Variants in MAX observed in about 807,000 individuals in gnomAD.
The protein encoded by MAX is MYC associated transcriptional regulator X, also known as protein max.
Under a neutral mutation model 22.3 loss-of-function variants are expected in MAX, and 3 were observed. The observed-to-expected ratio is 0.13, with a 90% confidence interval of 0.06 to 0.35. The LOEUF is 0.35. Ranked by LOEUF, MAX falls within the 10% of genes least tolerant of loss-of-function variation. The pLI is 1.00. For missense variants in MAX, 119 were observed against 209.4 expected (o/e 0.57, Z 2.66); for synonymous variants, 72 against 77.7 (o/e 0.93, Z 0.39).
intron 3 of MAX, among the ~76,000 whole-genome samples, chr14:65,042,441 C>T (rs965274413): frequency 3.3e-5 from 5 of 152,154 alleles, no homozygotes; most frequent in Admixed American, 2.0e-4. Context: ...CTGGCATACA[C>T]GGTTCACAGT....
chr14:65,077,426 C>T lies in MAX; in HGVS notation c.295+487G>A, dbSNP rs759558762. The T allele has an allele frequency of 3.7e-6, 6 of 1,607,600 alleles. No individual in the cohort carries two copies. In the South Asian group the frequency reaches 6.6e-5, roughly 18 times the overall value. Reference sequence around the variant, plus strand: ...AAAGAACTTGATCAGCTCTCGCTTTCCCCTGTGGTTGTAGGAAAAGGCGGG... The same window carrying T: ...AAAGAACTTGATCAGCTCTCGCTTTTCCCTGTGGTTGTAGGAAAAGGCGGG... On this transcript the variant is annotated intron_variant, in intron 4 of 4. Coordinates refer to ENST00000358664, the MANE Select transcript of MAX (RefSeq NM_002382.5). The surrounding 1 kb of genome is among the most constrained non-coding windows in gnomAD (Gnocchi z 6.3).
At chr14:65,045,037 T>C (rs947590888) in intron 3 of MAX, among the ~76,000 whole-genome samples, 2 of 152,194 alleles carry the variant, frequency 1.3e-5, no homozygotes, top group African/African-American at 4.8e-5. Flanking sequence ...ACCTGCACCA[T>C]TGGAGTAGAG....
chr14:65,040,868 C>T lies in MAX; in HGVS notation c.172-34584G>A, dbSNP rs145895625. 1.2e-4 allele frequency: 187 copies of T among 1,613,970 alleles called. No homozygotes were observed. In the African/African-American group the frequency reaches 1.8e-3, roughly 16 times the overall value. On this transcript the variant is annotated intron_variant, in intron 3 of 3. Transcript: ENST00000341653. ...GTGGCTATACCTTCTGTGGCCTGGC[C>T]GCGCTGGTAATCCTCAAGAGGGAAC...
chr14:65,064,000 C>CT (rs1417730116), intron 3 of MAX, among the ~76,000 whole-genome samples: 7 of 152,180 alleles, frequency 4.6e-5, no homozygotes, highest in African/African-American at 1.7e-4. Flanking sequence ...CAGTTTCACC[C>CT]TTAGGCCCAC....
At position 65,076,945 on chromosome 14, in the gene MAX, G is replaced by C. The variant is rs1297303407; in HGVS notation, c.296-282C>G. 1 of 570,716 alleles carries C rather than the reference G, an allele frequency of 1.8e-6. No individual in the cohort carries two copies. Among genetic ancestry groups the C allele is most frequent in the Non-Finnish European group, 3.1e-6 (1 of 319,278 alleles). 35.4% of individuals were successfully genotyped at this position (570,716 alleles called of 1,614,324 possible). ...ACCGTCCTGCCGTGGAAGCCCCGTG[G>C]AGAGACTGGAGCGTGAGCTCCCTGT... is the stretch of plus-strand genomic sequence containing the variant. On this transcript the variant is annotated intron_variant, in intron 4 of 4. Transcript: ENST00000358664. The surrounding 1 kb of genome is among the most constrained non-coding windows in gnomAD (Gnocchi z 6.6).
rs2062114030 is a variant in MAX, at chr14:65,032,919, T to G, written c.172-26635A>C. On this transcript the variant is annotated intron_variant, in intron 3 of 3. Coordinates refer to the MAX transcript ENST00000341653. The surrounding 1 kb of genome is among the most constrained non-coding windows in gnomAD (Gnocchi z 5.0). ...TTTAGATTGGCAAAGATAAAAAACT[T>G]TGGTAAACAATATTAGTGAGAGCCT... Among the ~76,000 whole-genome samples the G allele has an allele frequency of 6.6e-6, 1 of 152,228 alleles. No individual in the cohort carries two copies. The highest frequency in any genetic ancestry group is 1.5e-5 in the Non-Finnish European group (1 of 68,036).
In MAX at chr14:65,075,849, A is replaced by G. The variant is rs1301866769; in HGVS notation, c.*627T>C. On this transcript the variant is annotated 3_prime_UTR_variant, in exon 5 of 5. Coordinates refer to ENST00000358664, the MANE Select transcript of MAX (RefSeq NM_002382.5). The surrounding 1 kb of genome is among the most constrained non-coding windows in gnomAD (Gnocchi z 4.1). ...AGCTGGCTGAGAGAAGCAGGAGTGAAACATGCCAGCGACTCTGTGCTGCGA... is the reference window on the plus strand; with the variant it reads ...AGCTGGCTGAGAGAAGCAGGAGTGAGACATGCCAGCGACTCTGTGCTGCGA... 3.7e-6 allele frequency: 4 copies of G among 1,067,454 alleles called. No homozygotes were observed. The African/African-American group carries it at 6.5e-5, about 17-fold the overall frequency. 66.1% of individuals were successfully genotyped at this position (1,067,454 alleles called of 1,614,324 possible).
chr14:65,095,254 G>C (rs181451421), intron 2 of MAX, among the ~76,000 whole-genome samples: 1 of 152,284 alleles, frequency 6.6e-6, no homozygotes, highest in Non-Finnish European at 1.5e-5. Context: ...TGACAACCAT[G>C]GTTCTCCATA....
intron 3 of MAX, among the ~76,000 whole-genome samples, chr14:65,057,516 G>C (rs540388534): frequency 1.3e-5 from 2 of 152,294 alleles, no homozygotes; most frequent in African/African-American, 4.8e-5. Flanking sequence ...TTTTGGGGGA[G>C]GGTAGGTGAG....
rs2139797756 is a variant in MAX at position 65,084,156 on chromosome 14, G to A, written c.172-6120C>T. The A allele has an allele frequency of 6.2e-7, 1 of 1,612,844 alleles. No individual in the cohort carries two copies. The highest frequency in any genetic ancestry group is 8.5e-7 in the Non-Finnish European group (1 of 1,179,142). On this transcript the variant is annotated intron_variant, in intron 3 of 4. Coordinates refer to ENST00000358664, the MANE Select transcript of MAX (RefSeq NM_002382.5). The surrounding 1 kb of genome is among the most constrained non-coding windows in gnomAD (Gnocchi z 4.3). ...TTAAAGCCAGGAGTAAGACATTTGT[G>A]TAAGGGGTCAAAACAATCATTTTTT...
In MAX at chr14:65,062,551, G is replaced by A. The variant is rs980959559; in HGVS notation, c.171+31157C>T. 6.5e-6 allele frequency: 1 copy of A among 152,678 alleles called. No homozygotes were observed. Among genetic ancestry groups the A allele is most frequent in the African/African-American group, 2.4e-5 (1 of 41,462 alleles). The allele number at this position is 152,678 out of a possible 1,614,324, so 9.5% of individuals were successfully genotyped here. A position where few individuals can be genotyped will look rare whatever the true frequency, so the allele number is the denominator to read the frequency against. On this transcript the variant is annotated intron_variant, in intron 3 of 3. Coordinates refer to the MAX transcript ENST00000341653. This position sits in a 1 kb window ranked among gnomAD's most constrained non-coding sequence, Gnocchi z 4.3. Reference sequence around the variant, plus strand: ...GGAGCTCAGAGATGCAGCATGAGGCGCTTAGAAAAACCTGGCCATTTGCTG... The same window carrying A: ...GGAGCTCAGAGATGCAGCATGAGGCACTTAGAAAAACCTGGCCATTTGCTG...
At position 65,054,944 on chromosome 14, in the gene MAX, C is replaced by T. The variant is rs2062697813; in HGVS notation, c.171+38764G>A. On this transcript the variant is annotated intron_variant, in intron 3 of 3. Transcript: ENST00000341653. The surrounding 1 kb of genome is among the most constrained non-coding windows in gnomAD (Gnocchi z 4.4). Reference sequence around the variant, plus strand: ...TGTGCCTTTATCCCAGGGCTGAGGACCTAGCCCACTGCTGGTATTAGCTTC... The same window carrying T: ...TGTGCCTTTATCCCAGGGCTGAGGATCTAGCCCACTGCTGGTATTAGCTTC... 6.6e-6 allele frequency among the ~76,000 whole-genome samples: 1 copy of T among 152,208 alleles called. No homozygotes were observed. The highest frequency in any genetic ancestry group is 1.5e-5 in the Non-Finnish European group (1 of 68,036).
chr14:65,098,078 C>T (rs2063720128), intron 2 of MAX, among the ~76,000 whole-genome samples: 1 of 152,202 alleles, frequency 6.6e-6, no homozygotes, highest in South Asian at 2.1e-4. Context: ...AAAAACCAAG[C>T]TGAATTCTTT....
Position 65,076,229 on chromosome 14 carries a change from A to T in MAX, c.*247T>A. 1.4e-6 allele frequency: 2 copies of T among 1,424,490 alleles called. No homozygotes were observed. Among genetic ancestry groups the T allele is most frequent in the Non-Finnish European group, 1.8e-6 (2 of 1,095,056 alleles). 88.2% of individuals were successfully genotyped at this position (1,424,490 alleles called of 1,614,324 possible). ...CTGCCAAGTTGGGGTGTTTTGGTTT[A>T]AAAATTCCTGTTGGGGACAGGGAAT... On this transcript the variant is annotated 3_prime_UTR_variant, in exon 5 of 5. Transcript: ENST00000358664. The surrounding 1 kb of genome is among the most constrained non-coding windows in gnomAD (Gnocchi z 6.6).
In MAX at chr14:65,101,592, A is replaced by G; in HGVS notation, c.37-20T>C. On this transcript the variant is annotated intron_variant, in intron 1 of 4. Transcript: ENST00000358664. ...CTCTTCCTGGAATAAGAGAGAAAAA[A>G]AAAAATAGAAAATATAGAAGTTATT... 6.4e-7 allele frequency: 1 copy of G among 1,567,054 alleles called. No homozygotes were observed. Among genetic ancestry groups the G allele is most frequent in the Non-Finnish European group, 8.7e-7 (1 of 1,144,472 alleles).
Position 65,101,452 on chromosome 14 carries a change from T to C in MAX, c.63+94A>G, listed in dbSNP as rs571723213. The C allele has an allele frequency of 4.0e-5, 46 of 1,155,502 alleles. No individual in the cohort carries two copies. In the South Asian group the frequency reaches 6.1e-4, roughly 15 times the overall value. 71.6% of individuals were successfully genotyped at this position (1,155,502 alleles called of 1,614,324 possible). A position where few individuals can be genotyped will look rare whatever the true frequency, so the allele number is the denominator to read the frequency against. On this transcript the variant is annotated intron_variant, in intron 2 of 4. Coordinates refer to ENST00000358664, the MANE Select transcript of MAX (RefSeq NM_002382.5). ...GTTAACATTAGAGTTTACTACAATA[T>C]TAAAAGTAATAGTACGATCTCTTTT...
At chr14:65,067,157 C>T (rs2062939801) in intron 3 of MAX, among the ~76,000 whole-genome samples, 1 of 150,262 alleles carries the variant, frequency 6.7e-6, no homozygotes, top group African/African-American at 2.5e-5. Context: ...TGTACTCCAG[C>T]CTGGATGACA....
intron 3 of MAX, among the ~76,000 whole-genome samples, chr14:65,092,501 C>T (rs756491824): frequency 2.2e-4 from 34 of 152,102 alleles, no homozygotes; most frequent in Non-Finnish European, 2.1e-4. Flanking sequence ...TAAAGATTTC[C>T]GTGGTACTTA....
In MAX at chr14:65,075,405, G is replaced by C; in HGVS notation, c.*1071C>G. The C allele has an allele frequency of 9.4e-7, 1 of 1,063,324 alleles. No homozygotes were observed. The highest frequency in any genetic ancestry group is 5.1e-5 in the East Asian group (1 of 19,794). 65.9% of individuals were successfully genotyped at this position (1,063,324 alleles called of 1,614,324 possible). On this transcript the variant is annotated 3_prime_UTR_variant, in exon 5 of 5. Transcript: ENST00000358664. This position sits in a 1 kb window ranked among gnomAD's most constrained non-coding sequence, Gnocchi z 4.1. Reference sequence around the variant, plus strand: ...GATCACACAATGGAGACAGGTTCCAGGACAGTAGGAAAGGAAGTGGGATGA... The same window carrying C: ...GATCACACAATGGAGACAGGTTCCACGACAGTAGGAAAGGAAGTGGGATGA...
Sources: gnomAD v4.1 joint callset for allele counts (sites outside exome capture counted in the v4.1 genomes callset) on GRCh38, gnomAD v4.1.1 for gene constraint, Gnocchi (gnomAD v3.1) non-coding constraint, MANE v1.5 for transcripts, NCBI Gene and HGNC (gene_info 2026-07-23, HGNC 2026-07-21) for gene names.